Variants in HS6ST2 observed in about 807,000 individuals in gnomAD.
The protein encoded by HS6ST2 is heparan sulfate 6-O-sulfotransferase 2.
A neutral mutation model predicts 33.0 loss-of-function variants in HS6ST2; 17 were observed. The observed-to-expected ratio is 0.52, with a 90% CI of 0.35 to 0.77. The LOEUF is 0.77. Ranked by LOEUF, HS6ST2 falls within the 30% of genes least tolerant of loss-of-function variation. The pLI is 0.01. For missense variants in HS6ST2, 519 were observed against 551.7 expected (o/e 0.94, Z 0.59); for synonymous variants, 248 against 237.1 (o/e 1.05, Z -0.42).
intron 3 of HS6ST2, 114 bp from the exon 4 acceptor site, chrX:132,669,313 C>G: frequency 2.1e-6 from 1 of 466,086 alleles, no homozygotes; most frequent in Admixed American, 4.5e-5. Context: ...CCCCCCACCA[C>G]CCCCTGGCCA....
chrX:132,924,820 C>T (rs1447624813), intron 2 of HS6ST2, among the ~76,000 whole-genome samples: 4 of 111,723 alleles, frequency 3.6e-5, no homozygotes. Flanking sequence ...CGAAATGCCG[C>T]CTCTAGGAAA....
chrX:132,699,528 A>G (rs1041456012), intron 3 of HS6ST2, among the ~76,000 whole-genome samples: 2 of 112,157 alleles, frequency 1.8e-5, no homozygotes, highest in African/African-American at 6.5e-5. Context: ...CTCTTCCTCA[A>G]AAAGCTCTTA....
At chrX:132,921,688 C>T (rs1211273642) in intron 2 of HS6ST2, among the ~76,000 whole-genome samples, 1 of 112,013 alleles carries the variant, frequency 8.9e-6, no homozygotes, top group Non-Finnish European at 1.9e-5. Context: ...AAAACAAAAG[C>T]CAGGCAATTA....
intron 2 of HS6ST2, among the ~76,000 whole-genome samples, chrX:132,772,958 A>T (rs1350173259): frequency 1.2e-5 from 1 of 86,041 alleles, no homozygotes; most frequent in African/African-American, 4.5e-5. Flanking sequence ...TAGATTATAT[A>T]TTAATATATA....
Position 132,958,362 on chromosome X carries a change from C to A in HS6ST2, c.241G>T (p.Ala81Ser), listed in dbSNP as rs1468758571. ...AGCGCGAAAAGCGGGGCGCACGCGG[C>A]TCCCGCCAGGGAAGAAGACGCCTTT... ...PRKASSSLAG[A>S]ACAPLFALLS... is the part of the protein sequence containing the mutation. The change falls in exon 1 of 5, where the codon GCC (alanine) becomes TCC (serine). Residue 81 changes from alanine to serine, a missense_variant. Ala to Ser is a moderately conservative substitution (Grantham distance 99, BLOSUM62 1). Coordinates refer to ENST00000370833, the MANE Select transcript of HS6ST2 (RefSeq NM_001394073.1). The A allele has an allele frequency of 1.7e-6, 2 of 1,198,060 alleles. No individual in the cohort carries two copies. Among genetic ancestry groups the A allele is most frequent in the Non-Finnish European group, 2.2e-6 (2 of 893,284 alleles).
chrX:132,960,556 G>T (rs1169467760), upstream of HS6ST2, among the ~76,000 whole-genome samples: 1 of 80,909 alleles, frequency 1.2e-5, no homozygotes, highest in Non-Finnish European at 2.4e-5. Flanking sequence ...GAAGGGGGAG[G>T]TGGTAAACAG....
intron 2 of HS6ST2, among the ~76,000 whole-genome samples, chrX:132,724,012 C>T (rs1052442724): frequency 1.6e-4 from 18 of 111,220 alleles, no homozygotes; most frequent in African/African-American, 4.2e-4. Context: ...TGGTGGCGGG[C>T]GCCTGTAGCC....
At chrX:132,738,657 G>A (rs1272218001) in intron 2 of HS6ST2, among the ~76,000 whole-genome samples, 1 of 111,788 alleles carries the variant, frequency 8.9e-6, no homozygotes, top group Non-Finnish European at 1.9e-5. Flanking sequence ...TGAAAACAAC[G>A]TTTCATAAAT....
At chrX:132,842,037 G>GA (rs888808171) in intron 2 of HS6ST2, among the ~76,000 whole-genome samples, 1 of 112,005 alleles carries the variant, frequency 8.9e-6, no homozygotes, top group Non-Finnish European at 1.9e-5. Flanking sequence ...TTAAAGGTTA[G>GA]AAAAAATCCA....
At chrX:132,658,289 T>A (rs2063745630) in intron 4 of HS6ST2, among the ~76,000 whole-genome samples, 2 of 111,501 alleles carry the variant, frequency 1.8e-5, no homozygotes, top group Admixed American at 1.9e-4. Flanking sequence ...CAGGATTAAA[T>A]GAAATAATGC....
Position 132,882,261 on chromosome X carries a change from A to G in HS6ST2, c.947+74547T>C, listed in dbSNP as rs1278633410. Among the ~76,000 whole-genome samples the G allele has an allele frequency of 6.3e-5, 7 of 111,755 alleles. No individual in the cohort carries two copies. In the East Asian group the frequency reaches 1.7e-3, roughly 27 times the overall value. ...ATTGATTCTTCCTATCCATGAGCATAGAATGCTCTTCCATTTGTTTGTGTC... is the reference window on the plus strand; with the variant it reads ...ATTGATTCTTCCTATCCATGAGCATGGAATGCTCTTCCATTTGTTTGTGTC... On this transcript the variant is annotated intron_variant, in intron 2 of 4. Transcript: ENST00000370833.
chrX:132,888,871 ATGTG>A (rs750026288), intron 2 of HS6ST2, among the ~76,000 whole-genome samples: 1 of 109,281 alleles, frequency 9.2e-6, no homozygotes, highest in African/African-American at 3.3e-5. Flanking sequence ...GCTTGTGTGC[ATGTG>A]TGTGTGTGTG....
chrX:132,905,759 A>T (rs1301125104), intron 2 of HS6ST2, among the ~76,000 whole-genome samples: 1 of 112,235 alleles, frequency 8.9e-6, no homozygotes, highest in African/African-American at 3.2e-5. Context: ...ATATTAAAAA[A>T]AATTAAAAGA....
At chrX:132,704,306 G>A (rs930989201) in intron 3 of HS6ST2, among the ~76,000 whole-genome samples, 3 of 112,464 alleles carry the variant, frequency 2.7e-5, no homozygotes, top group Non-Finnish European at 5.6e-5. Flanking sequence ...GGTAATCCCA[G>A]TACTTTGGGA....
intron 2 of HS6ST2, among the ~76,000 whole-genome samples, chrX:132,801,754 A>G (rs2065237686): frequency 8.9e-6 from 1 of 112,428 alleles, no homozygotes; most frequent in African/African-American, 3.2e-5. Flanking sequence ...GAAGGAAAAC[A>G]TTAAATGTGT....
intron 4 of HS6ST2, among the ~76,000 whole-genome samples, chrX:132,647,078 C>T (rs1481692630): frequency 9.0e-6 from 1 of 111,301 alleles, no homozygotes; most frequent in East Asian, 2.8e-4. Context: ...CACAGCCAAA[C>T]CATATCAGAC....
chrX:132,659,820 T>C lies in HS6ST2; in HGVS notation c.1067+9293A>G, dbSNP rs1368563994. Among the ~76,000 whole-genome samples, 3 of 112,016 alleles carry C rather than the reference T, an allele frequency of 2.7e-5. No individual in the cohort carries two copies. In the East Asian group the frequency reaches 8.4e-4, roughly 31 times the overall value. On this transcript the variant is annotated intron_variant, in intron 4 of 4. Transcript: ENST00000370833. ...TAACCCTTACTTTATAGGCCTATTA[T>C]AATAATTAAACAAGATAATATGTAA...
intron 2 of HS6ST2, among the ~76,000 whole-genome samples, chrX:132,845,061 A>C (rs2065739112): frequency 9.2e-6 from 1 of 108,263 alleles, no homozygotes; most frequent in African/African-American, 3.3e-5. Context: ...AGAAAATATA[A>C]ATTTTAAATA....
intron 1 of HS6ST2, 79 bp downstream of exon 1, chrX:132,958,096 C>G (rs1028780487): frequency 3.1e-6 from 3 of 961,601 alleles, no homozygotes; most frequent in Non-Finnish European, 4.1e-6. Context: ...CTCTACCCCC[C>G]GCGGCTGCCT....
Sources: gnomAD v4.1 joint callset for allele counts (sites outside exome capture counted in the v4.1 genomes callset) on GRCh38, gnomAD v4.1.1 for gene constraint, MANE v1.5 for transcripts, NCBI Gene and HGNC (gene_info 2026-07-23, HGNC 2026-07-21) for gene names.